The following BCAS3 variants were observed in gnomAD, a reference collection of about 807,000 sequenced individuals.
BCAS3 encodes BCAS3 microtubule associated cell migration factor, also known as BCAS4/BCAS3 fusion.
Under a neutral mutation model 116.1 loss-of-function variants are expected in BCAS3, and 53 were observed. That is an observed-to-expected ratio of 0.46 (90% CI 0.37 to 0.57). BCAS3 has a LOEUF of 0.57. Among genes scored for constraint, BCAS3 ranks in the 20% least tolerant of loss-of-function variants. The pLI, the probability that BCAS3 is intolerant of heterozygous loss-of-function variation, is 0.00. For synonymous variants in BCAS3, 391 were observed against 408.2 expected (o/e 0.96, Z 0.51); for missense variants, 917 against 1,165.4 (o/e 0.79, Z 3.10).
chr17:61,048,112 A>T (rs2068512923), intron 19 of BCAS3, among the ~76,000 whole-genome samples: 1 of 152,022 alleles, frequency 6.6e-6, no homozygotes, highest in South Asian at 2.1e-4. Flanking sequence ...TAAAAGGAAT[A>T]TGAGAAAGAT....
chr17:61,375,703 G>A (rs1368272973), intron 23 of BCAS3, among the ~76,000 whole-genome samples: 2 of 151,784 alleles, frequency 1.3e-5, no homozygotes, highest in Non-Finnish European at 2.9e-5. Context: ...CTCCTGGGTA[G>A]CGTGGATTAC....
chr17:61,287,686 G>A (rs552475382), intron 22 of BCAS3, among the ~76,000 whole-genome samples: 6 of 151,688 alleles, frequency 4.0e-5, no homozygotes, highest in South Asian at 2.1e-4. Context: ...AGATGGCATC[G>A]TTACACTCCA....
At chr17:60,969,619 A>T (rs1285574770) in intron 14 of BCAS3, among the ~76,000 whole-genome samples, 1 of 152,202 alleles carries the variant, frequency 6.6e-6, no homozygotes, top group Non-Finnish European at 1.5e-5. Flanking sequence ...AGGAAAAAAA[A>T]TCTAAAAGTG....
intron 5 of BCAS3, among the ~76,000 whole-genome samples, chr17:60,710,621 T>TG (rs1330893799): frequency 1.3e-5 from 2 of 151,778 alleles, no homozygotes; most frequent in Non-Finnish European, 2.9e-5. Context: ...TTAGTACAGA[T>TG]GGGGTTTCAC....
At chr17:60,709,357 A>G (rs753412201) in intron 5 of BCAS3, 32 bp downstream of exon 5, 22 of 1,255,524 alleles carry the variant, frequency 1.8e-5, no homozygotes, top group Non-Finnish European at 2.3e-5. Context: ...TACCTAAAAC[A>G]TACTTCCCAG....
At position 60,874,749 on chromosome 17, in the gene BCAS3, A is replaced by T; in HGVS notation, c.661+11A>T. 6.3e-7 allele frequency: 1 copy of T among 1,588,828 alleles called. No individual in the cohort carries two copies. Reference sequence around the variant, plus strand: ...AATTCTTTGTTACAAGTATGTACCAATTTTTTTTCCCTTCTTATGCCTTTG... The same window carrying T: ...AATTCTTTGTTACAAGTATGTACCATTTTTTTTTCCCTTCTTATGCCTTTG... On this transcript the variant is annotated intron_variant, in intron 9 of 23. Coordinates refer to ENST00000407086, the MANE Select transcript of BCAS3 (RefSeq NM_017679.5).
chr17:60,958,195 C>T (rs1469492328), intron 14 of BCAS3, among the ~76,000 whole-genome samples: 1 of 152,104 alleles, frequency 6.6e-6, no homozygotes, highest in African/African-American at 2.4e-5. Flanking sequence ...ATACACTGGA[C>T]CAGAGACATG....
At chr17:61,076,170 G>A (rs2071967132) in intron 20 of BCAS3, among the ~76,000 whole-genome samples, 1 of 152,158 alleles carries the variant, frequency 6.6e-6, no homozygotes, top group Non-Finnish European at 1.5e-5. Context: ...GATTACAAAT[G>A]ACTTCATTAC....
chr17:60,759,641 T>C (rs2043323086), intron 6 of BCAS3, among the ~76,000 whole-genome samples: 2 of 152,158 alleles, frequency 1.3e-5, no homozygotes, highest in South Asian at 4.2e-4. Context: ...TTTTTTTTTT[T>C]TTTTTTACTG....
At chr17:60,799,121 A>C (rs2096133468) in intron 6 of BCAS3, among the ~76,000 whole-genome samples, 1 of 152,006 alleles carries the variant, frequency 6.6e-6, no homozygotes. Flanking sequence ...CATTCTTTTT[A>C]CTTTTACTTT....
intron 14 of BCAS3, among the ~76,000 whole-genome samples, chr17:60,978,823 C>T (rs1461957508): frequency 9.8e-5 from 14 of 142,180 alleles, no homozygotes; most frequent in African/African-American, 2.9e-4. Flanking sequence ...AGATATGCGG[C>T]GTTATTTCTG....
intron 22 of BCAS3, among the ~76,000 whole-genome samples, chr17:61,306,326 G>A (rs117259668): frequency 0.012 from 1,779 of 152,234 alleles, 27 homozygotes; most frequent in South Asian, 0.02. Flanking sequence ...GTACTATAAT[G>A]GTGATTTGGT....
chr17:61,312,963 T>G (rs2054439756), intron 22 of BCAS3, among the ~76,000 whole-genome samples: 2 of 152,244 alleles, frequency 1.3e-5, no homozygotes, highest in Non-Finnish European at 2.9e-5. Flanking sequence ...AGAAGAAATG[T>G]GTCTCCAAGC....
intron 14 of BCAS3, among the ~76,000 whole-genome samples, chr17:60,976,429 A>G (rs1600150452): frequency 7.3e-6 from 1 of 137,526 alleles, no homozygotes; most frequent in Admixed American, 7.1e-5. Context: ...TGGAAACAAT[A>G]TATATATATA....
At chr17:61,174,734 A>C (rs2079041357) in intron 22 of BCAS3, among the ~76,000 whole-genome samples, 1 of 152,200 alleles carries the variant, frequency 6.6e-6, no homozygotes, top group South Asian at 2.1e-4. Flanking sequence ...GTATGATTTC[A>C]ATAATCGCAC....
At chr17:60,975,899 A>G (rs2062314410) in intron 14 of BCAS3, among the ~76,000 whole-genome samples, 1 of 151,882 alleles carries the variant, frequency 6.6e-6, no homozygotes, top group Non-Finnish European at 1.5e-5. Flanking sequence ...ATGAGTAAAT[A>G]CTATTTCATT....
chr17:60,759,676 A>G (rs923222114), intron 6 of BCAS3, among the ~76,000 whole-genome samples: 2 of 94,796 alleles, frequency 2.1e-5, no homozygotes, highest in Non-Finnish European at 4.3e-5. Context: ...CATTTTGTTT[A>G]TTTTTACAGA....
chr17:61,129,673 T>C (rs1219525143), intron 22 of BCAS3, among the ~76,000 whole-genome samples: 4 of 152,224 alleles, frequency 2.6e-5, no homozygotes, highest in African/African-American at 9.6e-5. Context: ...TTGGCTGTGC[T>C]GTTGGAGAAA....
At position 61,213,262 on chromosome 17, in the gene BCAS3, C is replaced by T. The variant is rs1046407150; in HGVS notation, c.2425+128698C>T. Among the ~76,000 whole-genome samples the T allele has an allele frequency of 1.3e-5, 2 of 152,018 alleles. No homozygotes were observed. The highest frequency in any genetic ancestry group is 1.9e-4 in the East Asian group (1 of 5,192). ...TTGGCTCACTGCAACCTCTGGTCCC[C>T]GGGTTCAAGCGATCCTCCTGCCTCA... On this transcript the variant is annotated intron_variant, in intron 22 of 23. Transcript: ENST00000407086. This position sits in a 1 kb window ranked among gnomAD's most constrained non-coding sequence, Gnocchi z 5.4.
Sources: allele counts gnomAD v4.1 joint callset (sites outside exome capture counted in the v4.1 genomes callset), GRCh38; gene constraint gnomAD v4.1.1; non-coding constraint Gnocchi (gnomAD v3.1); transcripts MANE v1.5; gene names NCBI Gene and HGNC (gene_info 2026-07-23, HGNC 2026-07-21).